The following DPP9 variants were observed in gnomAD, a reference collection of about 807,000 sequenced individuals.
The protein encoded by DPP9 is dipeptidyl peptidase IV-related protein-2.
DPP9 carries 50 observed loss-of-function variants against 110.7 expected under a neutral mutation model. The observed-to-expected ratio is 0.45, with a 90% confidence interval of 0.36 to 0.57. DPP9 has a LOEUF of 0.57. DPP9 is among the 20% of genes least tolerant of loss of function. The pLI, the probability that DPP9 is intolerant of heterozygous loss-of-function variation, is 0.00. For synonymous variants in DPP9, 561 were observed against 514.4 expected (o/e 1.09, Z -1.23); for missense variants, 1,022 against 1,217.9 (o/e 0.84, Z 2.39).
In DPP9 at chr19:4,704,156, C is replaced by T. The variant is rs201569823; in HGVS notation, c.575G>A (p.Arg192His). The change falls in exon 6 of 22, where the codon CGC becomes CAC. Residue 192 changes from arginine to histidine, a missense_variant. Transcript: ENST00000262960. This position sits in a 1 kb window ranked among gnomAD's most constrained non-coding sequence, Gnocchi z 6.0. ...CATGAAGCCGTTCTTGCCGCCGTCG[C>T]GGCAGTGGAAGAGGCTGTTGCTGGC... ...FQASNSLFHC[R>H]DGGKNGFMVS... 2.9e-5 allele frequency: 47 copies of T among 1,614,002 alleles called. No individual in the cohort carries two copies. Among genetic ancestry groups the T allele is most frequent in the South Asian group, 2.2e-5 (2 of 91,084 alleles).
At position 4,689,684 on chromosome 19, in the gene DPP9, C is replaced by T. The variant is rs1169903853; in HGVS notation, c.1635G>A (p.Gln545=). Residue 545 remains glutamine (Q), a synonymous_variant, in exon 15 of 22, where the codon CAG becomes CAA. Transcript: ENST00000262960. The surrounding 1 kb of genome is among the most constrained non-coding windows in gnomAD (Gnocchi z 7.0). Reference sequence around the variant, plus strand: ...GCTCCAGCGGCGTGTCCTTGGTGCCCTGGAAGTACACCAGCTTGGTCTCCT... The same window carrying T: ...GCTCCAGCGGCGTGTCCTTGGTGCCTTGGAAGTACACCAGCTTGGTCTCCT... ...VNEETKLVYF[Q]GTKDTPLEHH... 6.4e-7 allele frequency: 1 copy of T among 1,557,096 alleles called. No individual in the cohort carries two copies. The highest frequency in any genetic ancestry group is 8.7e-7 in the Non-Finnish European group (1 of 1,150,074).
chr19:4,691,867 G>A (rs1448649655), intron 13 of DPP9, among the ~76,000 whole-genome samples: 3 of 151,486 alleles, frequency 2.0e-5, no homozygotes, highest in South Asian at 2.1e-4. Context: ...TAGTAGAGAC[G>A]GGGTTTCACC....
At chr19:4,683,821 C>G (rs1275470270) in intron 18 of DPP9, 192 bp from the exon 19 acceptor site, 1 of 1,534,582 alleles carries the variant, frequency 6.5e-7, no homozygotes, top group Non-Finnish European at 8.7e-7. Context: ...CAGCAGCCAT[C>G]TTGCTCTGCC....
chr19:4,713,098 T>C (rs986129122), intron 4 of DPP9, among the ~76,000 whole-genome samples: 1 of 152,176 alleles, frequency 6.6e-6, no homozygotes, highest in Non-Finnish European at 1.5e-5. Flanking sequence ...GCTCCTGGCA[T>C]GGAGTGGGTG....
Position 4,704,835 on chromosome 19 carries a change from C to A in DPP9, c.427-531G>T, listed in dbSNP as rs1172178331. Among the ~76,000 whole-genome samples the A allele has an allele frequency of 1.3e-5, 2 of 152,154 alleles. No homozygotes were observed. The highest frequency in any genetic ancestry group is 2.9e-5 in the Non-Finnish European group (2 of 68,024). ...CCAATATGGTGAAACCCCGTCTCTACTAAAAATACAAAAATTAGCCGGGTG... is the reference window on the plus strand; with the variant it reads ...CCAATATGGTGAAACCCCGTCTCTAATAAAAATACAAAAATTAGCCGGGTG... On this transcript the variant is annotated intron_variant, in intron 5 of 21. Coordinates refer to ENST00000262960, the MANE Select transcript of DPP9 (RefSeq NM_139159.5). The surrounding 1 kb of genome is among the most constrained non-coding windows in gnomAD (Gnocchi z 6.0).
At chr19:4,688,988 G>A in intron 15 of DPP9, 96 bp from the exon 16 acceptor site, 4 of 1,140,562 alleles carry the variant, frequency 3.5e-6, no homozygotes, top group Non-Finnish European at 4.3e-6. Context: ...CCTCCCGCCC[G>A]CCCCCATCCC....
rs1361666457 is a variant in DPP9 at position 4,722,827 on chromosome 19, G to A, written c.-88-276C>T. On this transcript the variant is annotated intron_variant, in intron 1 of 21. Transcript: ENST00000262960. ...CCCTGGGCTTTAGTCCCAGCTCCTCGAAAGCAGGTTGGTTCTTGCCTGGGA... is the reference window on the plus strand; with the variant it reads ...CCCTGGGCTTTAGTCCCAGCTCCTCAAAAGCAGGTTGGTTCTTGCCTGGGA... 4 of 398,662 alleles carry A rather than the reference G, an allele frequency of 1.0e-5. No individual in the cohort carries two copies. In the East Asian group the frequency reaches 1.4e-4, roughly 14 times the overall value. 24.7% of individuals were successfully genotyped at this position (398,662 alleles called of 1,614,324 possible). A position where few individuals can be genotyped will look rare whatever the true frequency, so the allele number is the denominator to read the frequency against.
chr19:4,700,416 G>T lies in DPP9; in HGVS notation c.1013-139C>A. The T allele has an allele frequency of 1.8e-6, 1 of 558,786 alleles. No homozygotes were observed. Among genetic ancestry groups the T allele is most frequent in the Non-Finnish European group, 3.1e-6 (1 of 324,222 alleles). 34.6% of individuals were successfully genotyped at this position (558,786 alleles called of 1,614,324 possible). A position where few individuals can be genotyped will look rare whatever the true frequency, so the allele number is the denominator to read the frequency against. ...GTGGGGGAGGCAGGAGAAGCCAGGT[G>T]TCCCACGGTCTGTCTGTAGGCACAT... On this transcript the variant is annotated intron_variant, in intron 9 of 21. Coordinates refer to ENST00000262960, the MANE Select transcript of DPP9 (RefSeq NM_139159.5). This position sits in a 1 kb window ranked among gnomAD's most constrained non-coding sequence, Gnocchi z 4.3.
At chr19:4,679,747 A>G in intron 21 of DPP9, 88 bp downstream of exon 21, 1 of 1,027,996 alleles carries the variant, frequency 9.7e-7, no homozygotes, top group Non-Finnish European at 1.5e-6. Context: ...CCCTGGTCAC[A>G]GTGGGAAGCC....
At chr19:4,701,945 C>G in intron 9 of DPP9, 82 bp downstream of exon 9, 1 of 1,551,604 alleles carries the variant, frequency 6.4e-7, no homozygotes, top group East Asian at 2.3e-5. Flanking sequence ...CTCAGAGGGC[C>G]TGGGGGACAG....
rs188329524 is a variant in DPP9 at position 4,695,301 on chromosome 19, C to A, written c.1353+77G>T. ...AACACCACCTGCCATTGGCGCTCAG[C>A]CTTCTAGGACGTGGGGGTGGGGACA... On this transcript the variant is annotated intron_variant, in intron 12 of 21. Transcript: ENST00000262960. The surrounding 1 kb of genome is among the most constrained non-coding windows in gnomAD (Gnocchi z 4.7). The A allele has an allele frequency of 8.5e-3, 12,200 of 1,429,770 alleles. 62 individuals are homozygous for A. The highest frequency in any genetic ancestry group is 0.011 in the Non-Finnish European group (11,299 of 1,075,434). 88.6% of individuals were successfully genotyped at this position (1,429,770 alleles called of 1,614,324 possible).
rs1006998596 is a variant in DPP9, at chr19:4,691,670, CTTTTTTTTTTTTT to C, written c.1517-726_1517-714del. Among the ~76,000 whole-genome samples, 29 of 95,112 alleles carry C rather than the reference CTTTTTTTTTTTTT, an allele frequency of 3.0e-4. 1 individual carries two copies. The highest frequency in any genetic ancestry group is 1.1e-3 in the African/African-American group (25 of 22,990). The allele number at this position is 95,112 out of a possible 152,430, so 62.4% of individuals were successfully genotyped here. A position where few individuals can be genotyped will look rare whatever the true frequency, so the allele number is the denominator to read the frequency against. ...CACATTAGGACTTTGTAAAACCAGA[CTTTTTTTTTTTTT>C]TTTTTTTTTTGAAGACGGAGTCTTG... On this transcript the variant is annotated intron_variant, in intron 13 of 21. Transcript: ENST00000262960.
At chr19:4,681,023 G>A (rs1274249072) in intron 20 of DPP9, among the ~76,000 whole-genome samples, 1 of 152,200 alleles carries the variant, frequency 6.6e-6, no homozygotes, top group Non-Finnish European at 1.5e-5. Context: ...ATGGGCTACT[G>A]GTGAGGCCAA....
Position 4,693,925 on chromosome 19 carries a change from GGGCTGT to G in DPP9, c.1516+730_1516+735del, listed in dbSNP as rs776643103. On this transcript the variant is annotated intron_variant, in intron 13 of 21. Coordinates refer to ENST00000262960, the MANE Select transcript of DPP9 (RefSeq NM_139159.5). This position sits in a 1 kb window ranked among gnomAD's most constrained non-coding sequence, Gnocchi z 5.0. ...CCTGCCTGCCCCAGGGCCTTTGTAC[GGGCTGT>G]GGCTCTGCCCAGAGCCGTGGTGTGG... Among the ~76,000 whole-genome samples, 14 of 151,856 alleles carry G rather than the reference GGGCTGT, an allele frequency of 9.2e-5. No homozygotes were observed. Among genetic ancestry groups the G allele is most frequent in the Non-Finnish European group, 1.8e-4 (12 of 67,948 alleles).
At chr19:4,696,507 TC>T (rs1268157210) in intron 11 of DPP9, among the ~76,000 whole-genome samples, 1 of 149,694 alleles carries the variant, frequency 6.7e-6, no homozygotes, top group African/African-American at 2.5e-5. Flanking sequence ...ACGCTTGTAA[TC>T]CCAGCACTTT....
In DPP9 at chr19:4,694,873, C is replaced by T. The variant is rs950669464; in HGVS notation, c.1354-50G>A. 1 of 1,586,416 alleles carries T rather than the reference C, an allele frequency of 6.3e-7. No homozygotes were observed. The highest frequency in any genetic ancestry group is 1.3e-5 in the African/African-American group (1 of 74,534). ...GCGTCAGAAGGTGTGGGTGGCCGGG[C>T]ATGGTGGCTCACACCAGTAATCCCA... On this transcript the variant is annotated intron_variant, in intron 12 of 21. Coordinates refer to ENST00000262960, the MANE Select transcript of DPP9 (RefSeq NM_139159.5). The surrounding 1 kb of genome is among the most constrained non-coding windows in gnomAD (Gnocchi z 4.0).
chr19:4,710,180 G>A lies in DPP9; in HGVS notation c.313+3901C>T, dbSNP rs1250336233. On this transcript the variant is annotated intron_variant, in intron 4 of 21. Transcript: ENST00000262960. This position sits in a 1 kb window ranked among gnomAD's most constrained non-coding sequence, Gnocchi z 5.6. ...CCATGCCCCGGTGACCCAGGCCTGC[G>A]CAAACACCATTTCCCGTCACTGCAC... Among the ~76,000 whole-genome samples, 3 of 152,190 alleles carry A rather than the reference G, an allele frequency of 2.0e-5. No individual in the cohort carries two copies. Among genetic ancestry groups the A allele is most frequent in the Non-Finnish European group, 4.4e-5 (3 of 68,040 alleles).
rs762231591 is a variant in DPP9 at position 4,722,458 on chromosome 19, CACCCCAGCCTTCCTGGCTGCCAA to C, written c.-36+18_-36+40del. The C allele has an allele frequency of 1.4e-6, 1 of 702,312 alleles. No individual in the cohort carries two copies. Among genetic ancestry groups the C allele is most frequent in the South Asian group, 1.5e-5 (1 of 67,550 alleles). 43.5% of individuals were successfully genotyped at this position (702,312 alleles called of 1,614,324 possible). A position where few individuals can be genotyped will look rare whatever the true frequency, so the allele number is the denominator to read the frequency against. ...CAGGCAAAGGAATCCCACCAGCCCA[CACCCCAGCCTTCCTGGCTGCCAA>C]ACCCCAGCACAACTGACCTTCTAAA... On this transcript the variant is annotated intron_variant, in intron 2 of 21. Transcript: ENST00000262960.
At chr19:4,686,673 G>C (rs1214979912) in intron 16 of DPP9, among the ~76,000 whole-genome samples, 1 of 152,166 alleles carries the variant, frequency 6.6e-6, no homozygotes, top group African/African-American at 2.4e-5. Flanking sequence ...AATGTGCTGG[G>C]ATTACAGGCG....
Sources: gnomAD v4.1 joint callset for allele counts (sites outside exome capture counted in the v4.1 genomes callset) on GRCh38, gnomAD v4.1.1 for gene constraint, Gnocchi (gnomAD v3.1) non-coding constraint, MANE v1.5 for transcripts, NCBI Gene and HGNC (gene_info 2026-07-23, HGNC 2026-07-21) for gene names.